The following KIF16B variants were observed in gnomAD, a reference collection of about 807,000 sequenced individuals.
KIF16B encodes kinesin-like protein KIF16B.
In KIF16B, 98 loss-of-function variants were observed where a neutral mutation model predicts 156.3. The observed-to-expected ratio is 0.63, with a 90% CI of 0.53 to 0.74. The LOEUF is 0.74. Among genes scored for constraint, KIF16B ranks in the 30% least tolerant of loss-of-function variants. The pLI is 0.00. For synonymous variants in KIF16B, 564 were observed against 583.7 expected, an observed-to-expected ratio of 0.97 and a Z score of 0.49; for missense variants, 1,421 against 1,606.5, an observed-to-expected ratio of 0.88 and a Z score of 1.97.
At chr20:16,459,361 A>C (rs563041259) in intron 12 of KIF16B, among the ~76,000 whole-genome samples, 1 of 152,190 alleles carries the variant, frequency 6.6e-6, no homozygotes, top group African/African-American at 2.4e-5. Context: ...GTTCTCCACA[A>C]AAGAATTTTC....
intron 3 of KIF16B, among the ~76,000 whole-genome samples, chr20:16,521,375 A>C (rs1387803613): frequency 6.6e-6 from 1 of 151,940 alleles, no homozygotes; most frequent in African/African-American, 2.4e-5. Context: ...TGAAGCACAC[A>C]CAGGTATTAA....
intron 10 of KIF16B, among the ~76,000 whole-genome samples, chr20:16,503,941 T>C (rs1281151031): frequency 6.6e-6 from 1 of 152,192 alleles, no homozygotes; most frequent in Non-Finnish European, 1.5e-5. Context: ...ACCACCTCTC[T>C]AATAGGTGAT....
chr20:16,318,982 G>A (rs1168794676), intron 24 of KIF16B, among the ~76,000 whole-genome samples: 1 of 152,158 alleles, frequency 6.6e-6, no homozygotes, highest in Non-Finnish European at 1.5e-5. Context: ...CATACTGATA[G>A]TATATATCCT....
intron 4 of KIF16B, among the ~76,000 whole-genome samples, chr20:16,514,524 C>T (rs917351603): frequency 6.9e-6 from 1 of 144,378 alleles, no homozygotes; most frequent in East Asian, 2.1e-4. Context: ...AGTGTCTCTA[C>T]ATCTCAAAAA....
At chr20:16,359,227 A>T (rs1322316042) in intron 22 of KIF16B, among the ~76,000 whole-genome samples, 1 of 152,128 alleles carries the variant, frequency 6.6e-6, no homozygotes, top group Non-Finnish European at 1.5e-5. Context: ...TGTTGGAGGT[A>T]GGCCCCGTGG....
intron 17 of KIF16B, among the ~76,000 whole-genome samples, chr20:16,395,878 T>A (rs1240599736): frequency 6.6e-6 from 1 of 152,152 alleles, no homozygotes; most frequent in Non-Finnish European, 1.5e-5. Context: ...GATAGTCTCA[T>A]CTATCAGTGG....
intron 12 of KIF16B, among the ~76,000 whole-genome samples, chr20:16,447,901 C>A (rs2066977187): frequency 6.6e-6 from 1 of 152,090 alleles, no homozygotes. Context: ...GGCCCAGAAG[C>A]TTGAGTCTAG....
intron 23 of KIF16B, among the ~76,000 whole-genome samples, chr20:16,353,473 T>A (rs2064378941): frequency 6.6e-6 from 1 of 152,240 alleles, no homozygotes; most frequent in Non-Finnish European, 1.5e-5. Context: ...TTTTTATTTT[T>A]ATTTCTTTTT....
At chr20:16,377,081 A>C (rs2064969812) in intron 19 of KIF16B, among the ~76,000 whole-genome samples, 1 of 152,232 alleles carries the variant, frequency 6.6e-6, no homozygotes, top group South Asian at 2.1e-4. Flanking sequence ...GTGAAGCTAC[A>C]GTAACACTTC....
chr20:16,333,391 C>T (rs1412229830), intron 24 of KIF16B, among the ~76,000 whole-genome samples: 2 of 152,092 alleles, frequency 1.3e-5, no homozygotes, highest in African/African-American at 4.8e-5. Flanking sequence ...GCTGAAATTG[C>T]CTTATTTATT....
At chr20:16,520,919 C>A (rs2069326090) in intron 3 of KIF16B, among the ~76,000 whole-genome samples, 1 of 152,190 alleles carries the variant, frequency 6.6e-6, no homozygotes, top group Non-Finnish European at 1.5e-5. Context: ...CAAACTCCAG[C>A]AGACCTGCAG....
At chr20:16,342,392 C>A (rs1051193996) in intron 23 of KIF16B, among the ~76,000 whole-genome samples, 2 of 152,024 alleles carry the variant, frequency 1.3e-5, no homozygotes, top group Non-Finnish European at 2.9e-5. Flanking sequence ...ATATTAGATG[C>A]CAGTAGTTTT....
chr20:16,320,390 A>T (rs2063756589), intron 24 of KIF16B, among the ~76,000 whole-genome samples: 1 of 152,164 alleles, frequency 6.6e-6, no homozygotes, highest in African/African-American at 2.4e-5. Context: ...TAAAAAAATC[A>T]GTGCCTCTGC....
intron 3 of KIF16B, 22 bp downstream of exon 3, chr20:16,526,070 A>G: frequency 7.6e-7 from 1 of 1,315,690 alleles, no homozygotes; most frequent in Non-Finnish European, 1.1e-6. Context: ...ATCAACATAA[A>G]TATTTTGAAA....
intron 22 of KIF16B, chr20:16,369,013 T>C: frequency 1.0e-6 from 1 of 985,892 alleles, no homozygotes; most frequent in Non-Finnish European, 1.2e-6. Flanking sequence ...ATGGCCAGCA[T>C]GCTCAGGATG....
chr20:16,473,442 G>A (rs1216140421), intron 12 of KIF16B, among the ~76,000 whole-genome samples: 3 of 152,188 alleles, frequency 2.0e-5, no homozygotes, highest in African/African-American at 7.2e-5. Context: ...CTAAGGGACT[G>A]GAACTAGAAT....
chr20:16,372,804 T>A (rs922006685), intron 20 of KIF16B, among the ~76,000 whole-genome samples: 3 of 152,116 alleles, frequency 2.0e-5, no homozygotes, highest in African/African-American at 7.2e-5. Context: ...TTCAAGTGAG[T>A]CTCCTGCCTC....
At chr20:16,507,099 CAAAAAA>C (rs1555790010) in intron 7 of KIF16B, among the ~76,000 whole-genome samples, 2 of 124,670 alleles carry the variant, frequency 1.6e-5, no homozygotes, top group African/African-American at 6.5e-5. Flanking sequence ...AATCATGTCT[CAAAAAA>C]AAAAAAAAAA....
intron 1 of KIF16B, among the ~76,000 whole-genome samples, chr20:16,572,973 A>G (rs1376947764): frequency 6.6e-6 from 1 of 152,104 alleles, no homozygotes; most frequent in Admixed American, 6.5e-5. Flanking sequence ...AGGGGGAACA[A>G]GAACATCTCA....
Sources: gnomAD v4.1 joint callset for allele counts (sites outside exome capture counted in the v4.1 genomes callset) on GRCh38, gnomAD v4.1.1 for gene constraint, MANE v1.5 for transcripts, NCBI Gene and HGNC (gene_info 2026-07-23, HGNC 2026-07-21) for gene names.